The following COL14A1 variants were observed in gnomAD, a reference collection of about 807,000 sequenced individuals.
COL14A1 encodes collagen alpha-1(XIV) chain.
COL14A1 carries 136 observed loss-of-function variants against 230.3 expected under a neutral mutation model. The ratio of observed to expected loss-of-function variants is 0.59; its 90% CI spans 0.51 to 0.68. The LOEUF is 0.68. COL14A1 is among the 30% of genes least tolerant of loss of function. The pLI, the probability that COL14A1 is intolerant of heterozygous loss-of-function variation, is 0.00. For synonymous variants in COL14A1, 792 were observed against 784.1 expected, an observed-to-expected ratio of 1.01 and a Z score of -0.17; for missense variants, 1,976 against 2,215.8, an observed-to-expected ratio of 0.89 and a Z score of 2.17.
chr8:120,355,614 T>C (rs895859969), intron 45 of COL14A1, among the ~76,000 whole-genome samples: 2 of 152,056 alleles, frequency 1.3e-5, no homozygotes, highest in Non-Finnish European at 2.9e-5. Flanking sequence ...GGTTTCACCA[T>C]GTAGGCCAGG....
chr8:120,287,475 A>G (rs533055035), intron 33 of COL14A1, among the ~76,000 whole-genome samples: 13 of 152,310 alleles, frequency 8.5e-5, no homozygotes, highest in African/African-American at 2.9e-4. Context: ...TTGAGATTTC[A>G]TGAGTGTTAA....
intron 1 of COL14A1, among the ~76,000 whole-genome samples, chr8:120,126,387 G>T (rs1185769509): frequency 1.3e-5 from 2 of 152,250 alleles, no homozygotes; most frequent in Admixed American, 6.5e-5. Flanking sequence ...GTGTCCAAAT[G>T]AAGCTTGTGT....
rs755278698 is a variant in COL14A1 at position 120,278,560 on chromosome 8, A to G, written c.3463A>G (p.Arg1155Gly). 3.7e-6 allele frequency: 6 copies of G among 1,612,678 alleles called. No individual in the cohort carries two copies. Among genetic ancestry groups the G allele is most frequent in the Non-Finnish European group, 5.1e-6 (6 of 1,179,254 alleles). ...ACAAGATGATGTGAACAAAATCTCC[A>G]GGGAGATGCAATTAGATGGTAAGAT... ...RSQDDVNKIS[R>G]EMQLDGYSIF... The change falls in exon 28 of 48, where the codon AGG (arginine) becomes GGG (glycine). Residue 1155 changes from arginine (R) to glycine (G), a missense_variant. Arg to Gly is a moderately radical substitution (Grantham distance 125). This residue lies in a region of COL14A1 where 1,791 missense variants were observed against 2,019.5 expected (regional missense o/e 0.89). Transcript: ENST00000297848.
chr8:120,232,173 C>T (rs1350346855), intron 19 of COL14A1: 1 of 152,126 alleles, frequency 6.6e-6, no homozygotes, highest in African/African-American at 2.4e-5. Flanking sequence ...ATGGATGTAT[C>T]CCCTCAGGGA....
intron 13 of COL14A1, among the ~76,000 whole-genome samples, chr8:120,213,493 G>A (rs1817668744): frequency 6.6e-6 from 1 of 152,132 alleles, no homozygotes; most frequent in Non-Finnish European, 1.5e-5. Context: ...TGTTAGTCAA[G>A]ACTATGTTAT....
intron 1 of COL14A1, among the ~76,000 whole-genome samples, chr8:120,138,449 G>A (rs934058610): frequency 2.4e-4 from 36 of 151,934 alleles, no homozygotes; most frequent in African/African-American, 8.7e-4. Flanking sequence ...AGTTTCTCTA[G>A]TATTCCTGAA....
intron 21 of COL14A1, among the ~76,000 whole-genome samples, chr8:120,248,724 C>T (rs186968581): frequency 6.6e-6 from 1 of 152,002 alleles, no homozygotes; most frequent in Non-Finnish European, 1.5e-5. Flanking sequence ...GGCATGGTGG[C>T]ATGCACCGTA....
At chr8:120,341,299 A>G (rs1822288040) in intron 42 of COL14A1, 26 bp from the exon 43 acceptor site, 1 of 1,613,286 alleles carries the variant, frequency 6.2e-7, no homozygotes, top group Non-Finnish European at 8.5e-7. Flanking sequence ...TATCATAAGT[A>G]ACTTGACAAT....
intron 42 of COL14A1, among the ~76,000 whole-genome samples, chr8:120,338,429 C>G (rs1003508800): frequency 6.6e-6 from 1 of 152,148 alleles, no homozygotes; most frequent in Non-Finnish European, 1.5e-5. Flanking sequence ...CTGGTTTTTT[C>G]ACTTCCTTAT....
At chr8:120,235,130 G>T (rs1586791001) in intron 19 of COL14A1, among the ~76,000 whole-genome samples, 1 of 152,146 alleles carries the variant, frequency 6.6e-6, no homozygotes, top group South Asian at 2.1e-4. Context: ...TCTGATGGTA[G>T]TTTGTATTTC....
intron 5 of COL14A1, among the ~76,000 whole-genome samples, chr8:120,194,712 C>T (rs953869536): frequency 2.6e-5 from 4 of 152,044 alleles, no homozygotes; most frequent in African/African-American, 9.7e-5. Flanking sequence ...AGATCCTATC[C>T]ACATGGTTCC....
At position 120,353,891 on chromosome 8, in the gene COL14A1, G is replaced by A. The variant is rs996037399; in HGVS notation, c.5077+8328G>A. On this transcript the variant is annotated intron_variant, in intron 45 of 47. Transcript: ENST00000297848. ...TTTGACCCAGCCATCCCATTACTGGGTATATACCCAAAGGACTATAAATCA... is the reference window on the plus strand; with the variant it reads ...TTTGACCCAGCCATCCCATTACTGGATATATACCCAAAGGACTATAAATCA... Among the ~76,000 whole-genome samples, 5 of 151,278 alleles carry A rather than the reference G, an allele frequency of 3.3e-5. 1 individual carries two copies. The highest frequency in any genetic ancestry group is 1.2e-4 in the African/African-American group (5 of 40,794).
chr8:120,201,363 A>G (rs537768806), intron 8 of COL14A1, among the ~76,000 whole-genome samples: 5 of 152,228 alleles, frequency 3.3e-5, no homozygotes, highest in African/African-American at 1.2e-4. Flanking sequence ...GCAAGAGCCA[A>G]TTGTGCACAC....
chr8:120,126,670 T>G lies in COL14A1; in HGVS notation c.-38+1330T>G, dbSNP rs551556727. Among the ~76,000 whole-genome samples, 36 of 152,304 alleles carry G rather than the reference T, an allele frequency of 2.4e-4. No individual in the cohort carries two copies. The South Asian group carries it at 7.5e-3, about 32-fold the overall frequency. ...TTTTTATAATACTTGCAGTAGGTGATAGAGAGGCTCTCTTGAAACCCAGCA... is the reference window on the plus strand; with the variant it reads ...TTTTTATAATACTTGCAGTAGGTGAGAGAGAGGCTCTCTTGAAACCCAGCA... On this transcript the variant is annotated intron_variant, in intron 1 of 47. Transcript: ENST00000297848.
chr8:120,303,640 G>C lies in COL14A1; in HGVS notation c.4401+2822G>C, dbSNP rs373010719. Among the ~76,000 whole-genome samples the C allele has an allele frequency of 2.0e-5, 3 of 152,290 alleles. No homozygotes were observed. In the East Asian group the frequency reaches 5.8e-4, roughly 29 times the overall value. On this transcript the variant is annotated intron_variant, in intron 36 of 47. Coordinates refer to ENST00000297848, the MANE Select transcript of COL14A1 (RefSeq NM_021110.4). ...ATGTGCTGCTGGATTCAGTTTGCAA[G>C]TATTTTGTTGAAGAATTTTGAATTG... is the stretch of plus-strand genomic sequence containing the variant.
At chr8:120,193,334 A>T (rs1816899051) in intron 5 of COL14A1, among the ~76,000 whole-genome samples, 1 of 152,208 alleles carries the variant, frequency 6.6e-6, no homozygotes, top group East Asian at 1.9e-4. Context: ...TTGCCTGCGT[A>T]TCAGCAACGG....
At chr8:120,340,258 A>C (rs1489123325) in intron 42 of COL14A1, among the ~76,000 whole-genome samples, 1 of 152,128 alleles carries the variant, frequency 6.6e-6, no homozygotes, top group African/African-American at 2.4e-5. Flanking sequence ...ATCTTCAGTG[A>C]CAGCACATTT....
chr8:120,226,846 A>G (rs1403217667), intron 16 of COL14A1, 80 bp downstream of exon 16: 3 of 1,315,742 alleles, frequency 2.3e-6, no homozygotes, highest in Admixed American at 4.1e-5. Flanking sequence ...TCTTCACTTT[A>G]AAATATATTA....
Position 120,206,931 on chromosome 8 carries a change from T to G in COL14A1, c.1040-12T>G. 6.3e-7 allele frequency: 1 copy of G among 1,592,436 alleles called. No individual in the cohort carries two copies. The highest frequency in any genetic ancestry group is 1.2e-5 in the South Asian group (1 of 86,724). ...GGGTAAGAGGTTTATTTGATATGTTTTTTTAATTTAGCCTCAGCCCATGCC... is the reference window on the plus strand; with the variant it reads ...GGGTAAGAGGTTTATTTGATATGTTGTTTTAATTTAGCCTCAGCCCATGCC... On this transcript the variant is annotated splice_polypyrimidine_tract_variant and intron_variant, in intron 9 of 47. Transcript: ENST00000297848.
Sources: gnomAD v4.1 joint callset for allele counts (sites outside exome capture counted in the v4.1 genomes callset) on GRCh38, gnomAD v4.1.1 for gene constraint, gnomAD v4.1.1 regional missense constraint, MANE v1.5 for transcripts, NCBI Gene and HGNC (gene_info 2026-07-23, HGNC 2026-07-21) for gene names.